The following AGAP1 variants were observed in gnomAD, a reference collection of about 807,000 sequenced individuals.
AGAP1 encodes the protein arf-GAP with GTPase, ANK repeat and PH domain-containing protein 1.
A neutral mutation model predicts 105.3 loss-of-function variants in AGAP1; 29 were observed. The ratio of observed to expected loss-of-function variants is 0.28; its 90% CI spans 0.21 to 0.38. AGAP1 has a LOEUF of 0.38. Ranked by LOEUF, AGAP1 falls within the 10% of genes least tolerant of loss-of-function variation. The pLI, the probability that AGAP1 is intolerant of heterozygous loss-of-function variation, is 1.00. For missense variants in AGAP1, 998 were observed against 1,165.1 expected (o/e 0.86, Z 2.09); for synonymous variants, 509 against 485.9 (o/e 1.05, Z -0.63).
chr2:235,786,264 T>C (rs1956628148), intron 6 of AGAP1, among the ~76,000 whole-genome samples: 1 of 152,242 alleles, frequency 6.6e-6, no homozygotes, highest in Non-Finnish European at 1.5e-5. Context: ...TCTCCTGGCC[T>C]TTTGAACAGA....
Position 236,044,248 on chromosome 2 carries a change from A to G in AGAP1, c.1891+3407A>G, listed in dbSNP as rs1307899365. Among the ~76,000 whole-genome samples, 1 of 152,162 alleles carries G rather than the reference A, an allele frequency of 6.6e-6. No individual in the cohort carries two copies. Among genetic ancestry groups the G allele is most frequent in the Non-Finnish European group, 1.5e-5 (1 of 68,014 alleles). On this transcript the variant is annotated intron_variant, in intron 15 of 17. Coordinates refer to ENST00000304032, the MANE Select transcript of AGAP1 (RefSeq NM_001037131.3). The surrounding 1 kb of genome is among the most constrained non-coding windows in gnomAD (Gnocchi z 5.7). ...GCCCAACCCAGCATGTCCCAGGCCC[A>G]TCGGACAGTGGGGCCTTTGTTTAGG... is the stretch of plus-strand genomic sequence containing the variant.
At chr2:235,886,433 C>T (rs1269372304) in intron 10 of AGAP1, among the ~76,000 whole-genome samples, 1 of 152,226 alleles carries the variant, frequency 6.6e-6, no homozygotes, top group Non-Finnish European at 1.5e-5. Flanking sequence ...CTTAGGAGGC[C>T]TAAAGCCTGT....
chr2:235,546,241 A>G (rs1574819729), intron 1 of AGAP1, among the ~76,000 whole-genome samples: 1 of 151,914 alleles, frequency 6.6e-6, no homozygotes, highest in African/African-American at 2.4e-5. Context: ...AGCTGCAGGA[A>G]CCCCATGTCT....
chr2:236,052,775 C>T (rs991704063), intron 16 of AGAP1, among the ~76,000 whole-genome samples: 1 of 152,126 alleles, frequency 6.6e-6, no homozygotes, highest in South Asian at 2.1e-4. Context: ...CCTTTGTCCC[C>T]CTCTGTAATG....
intron 1 of AGAP1, among the ~76,000 whole-genome samples, chr2:235,693,291 A>G (rs1267895006): frequency 6.6e-6 from 1 of 152,134 alleles, no homozygotes; most frequent in Non-Finnish European, 1.5e-5. Context: ...GAGCTGGGGT[A>G]GTACTCAAAG....
At chr2:235,641,339 TCTTC>T (rs1168367208) in intron 1 of AGAP1, among the ~76,000 whole-genome samples, 1 of 151,096 alleles carries the variant, frequency 6.6e-6, no homozygotes, top group Non-Finnish European at 1.5e-5. Flanking sequence ...TCCCTCCCTC[TCTTC>T]CTTCCTTCCT....
chr2:236,008,675 T>G (rs2056406173), intron 13 of AGAP1, among the ~76,000 whole-genome samples: 1 of 152,216 alleles, frequency 6.6e-6, no homozygotes, highest in Non-Finnish European at 1.5e-5. Flanking sequence ...TTGCTTCGTT[T>G]TTATTTTCCC....
At position 235,815,997 on chromosome 2, in the gene AGAP1, G is replaced by A. The variant is rs1958430403; in HGVS notation, c.1050+8666G>A. Among the ~76,000 whole-genome samples, 2 of 152,180 alleles carry A rather than the reference G, an allele frequency of 1.3e-5. 1 individual carries two copies. The highest frequency in any genetic ancestry group is 4.1e-4 in the South Asian group (2 of 4,826). ...GGGTAAATGTTGGGCCTGTAGCTGG[G>A]GATGTTCAGGAAGAGCCTGTGGATT... On this transcript the variant is annotated intron_variant, in intron 9 of 17. Transcript: ENST00000304032.
In AGAP1 at chr2:235,882,378, C is replaced by T. The variant is rs560129894; in HGVS notation, c.1051-967C>T. 3.3e-5 allele frequency: 50 copies of T among 1,507,394 alleles called. No individual in the cohort carries two copies. The South Asian group carries it at 4.7e-4, about 14-fold the overall frequency. 93.4% of individuals were successfully genotyped at this position (1,507,394 alleles called of 1,614,324 possible). On this transcript the variant is annotated intron_variant, in intron 9 of 17. Coordinates refer to ENST00000304032, the MANE Select transcript of AGAP1 (RefSeq NM_001037131.3). The surrounding 1 kb of genome is among the most constrained non-coding windows in gnomAD (Gnocchi z 4.6). ...TCCGGGCTCTTAGGAAATTTCACTC[C>T]GCTTCTGCCCAGTGGTCTCTTTGGT...
chr2:236,065,744 G>A (rs1270414016), intron 16 of AGAP1, among the ~76,000 whole-genome samples: 1 of 152,240 alleles, frequency 6.6e-6, no homozygotes, highest in Non-Finnish European at 1.5e-5. Flanking sequence ...CTCCTGCTGG[G>A]TTGTGGAGCT....
intron 13 of AGAP1, among the ~76,000 whole-genome samples, chr2:236,031,554 C>CA (rs2057224497): frequency 6.6e-6 from 1 of 152,084 alleles, no homozygotes; most frequent in Non-Finnish European, 1.5e-5. Flanking sequence ...CATAGGATCT[C>CA]AGAGTTGCAA....
chr2:235,978,175 G>C (rs1298347677), intron 13 of AGAP1, among the ~76,000 whole-genome samples: 1 of 152,210 alleles, frequency 6.6e-6, no homozygotes, highest in Non-Finnish European at 1.5e-5. Context: ...CATTGGTGGG[G>C]TGAGGAATTA....
chr2:235,971,627 T>G lies in AGAP1; in HGVS notation c.1645+3004T>G, dbSNP rs2125360818. Among the ~76,000 whole-genome samples the G allele has an allele frequency of 6.6e-6, 1 of 151,850 alleles. No homozygotes were observed. The highest frequency in any genetic ancestry group is 1.9e-4 in the East Asian group (1 of 5,162). On this transcript the variant is annotated intron_variant, in intron 13 of 17. Transcript: ENST00000304032. The surrounding 1 kb of genome is among the most constrained non-coding windows in gnomAD (Gnocchi z 4.8). The stretch of plus-strand genomic sequence containing the variant: ...ATGGCGTGAACCCAGGAGGTGGAGC[T>G]TGCAGTGAGCCGGGATGGCGCCACT...
rs1183327731 is a variant in AGAP1, at chr2:235,590,692, C to CGT, written c.163+95863_163+95864dup. Among the ~76,000 whole-genome samples, 376 of 72,578 alleles carry CGT rather than the reference C, an allele frequency of 5.2e-3. 7 individuals carry two copies. Among genetic ancestry groups the CGT allele is most frequent in the South Asian group, 0.011 (19 of 1,694 alleles). 47.6% of individuals were successfully genotyped at this position (72,578 alleles called of 152,430 possible). A position where few individuals can be genotyped will look rare whatever the true frequency, so the allele number is the denominator to read the frequency against. On this transcript the variant is annotated intron_variant, in intron 1 of 17. Transcript: ENST00000304032. ...GTGTGTGTGTGTGTGTGTGCGTGTG[C>CGT]GTGTGTGTGTGTGTGTGTGTGCATT...
chr2:235,505,702 A>C (rs1941772748), intron 1 of AGAP1: 1 of 152,084 alleles, frequency 6.6e-6, no homozygotes, highest in African/African-American at 2.4e-5. Context: ...CCAGGGAGAG[A>C]TCCTGGAAGC....
At chr2:236,059,346 A>G (rs2058127825) in intron 16 of AGAP1, among the ~76,000 whole-genome samples, 1 of 152,198 alleles carries the variant, frequency 6.6e-6, no homozygotes, top group Non-Finnish European at 1.5e-5. Flanking sequence ...AAGTAAATGA[A>G]AAGACATCAT....
intron 8 of AGAP1, among the ~76,000 whole-genome samples, chr2:235,804,281 G>A (rs1051446770): frequency 6.6e-6 from 1 of 152,016 alleles, no homozygotes; most frequent in African/African-American, 2.4e-5. Flanking sequence ...TTATAATAAC[G>A]ATGTTATTTA....
chr2:236,079,553 TACAC>T (rs3030749), intron 16 of AGAP1, among the ~76,000 whole-genome samples: 5 of 129,422 alleles, frequency 3.9e-5, no homozygotes, highest in Admixed American at 8.0e-5. Context: ...TATATATATA[TACAC>T]ACACACACAC....
Position 235,596,825 on chromosome 2 carries a change from G to A in AGAP1, c.163+101976G>A, listed in dbSNP as rs897057871. On this transcript the variant is annotated intron_variant, in intron 1 of 17. Coordinates refer to ENST00000304032, the MANE Select transcript of AGAP1 (RefSeq NM_001037131.3). This position sits in a 1 kb window ranked among gnomAD's most constrained non-coding sequence, Gnocchi z 5.9. ...CTGCAACCCCGTGTGATGGTATTAGGAGGTGGGTCTGTGGGAGGTATCAGG... is the reference window on the plus strand; with the variant it reads ...CTGCAACCCCGTGTGATGGTATTAGAAGGTGGGTCTGTGGGAGGTATCAGG... Among the ~76,000 whole-genome samples the A allele has an allele frequency of 6.6e-6, 1 of 152,150 alleles. No individual in the cohort carries two copies. The highest frequency in any genetic ancestry group is 2.4e-5 in the African/African-American group (1 of 41,432).
Sources: allele counts gnomAD v4.1 joint callset (sites outside exome capture counted in the v4.1 genomes callset), GRCh38; gene constraint gnomAD v4.1.1; non-coding constraint Gnocchi (gnomAD v3.1); transcripts MANE v1.5; gene names NCBI Gene and HGNC (gene_info 2026-07-23, HGNC 2026-07-21).